PROS1: variants seen among roughly 807,000 people sequenced by gnomAD.
PROS1 encodes the protein protein S, also known as vitamin K-dependent protein S.
A neutral mutation model predicts 75.9 loss-of-function variants in PROS1; 29 were observed. That is an observed-to-expected ratio of 0.38 (90% CI 0.28 to 0.52). The LOEUF (loss-of-function observed/expected upper bound fraction) is 0.52, where lower values mean the gene tolerates loss of function less well. PROS1 is among the 20% of genes least tolerant of loss of function. PROS1 has a pLI of 0.83. For missense variants in PROS1, 680 were observed against 810.3 expected, an observed-to-expected ratio of 0.84 and a Z score of 1.95; for synonymous variants, 245 against 280.6, an observed-to-expected ratio of 0.87 and a Z score of 1.27.
intron 1 of PROS1, 54 bp downstream of exon 1, chr3:93,973,620 G>A (rs958229677): frequency 1.3e-6 from 2 of 1,569,194 alleles, no homozygotes; most frequent in East Asian, 2.3e-5. Context: ...ACCAGGGCAC[G>A]CAGTTCAGTC....
chr3:93,911,889 T>A (rs1708764131), intron 3 of PROS1, among the ~76,000 whole-genome samples: 1 of 152,136 alleles, frequency 6.6e-6, no homozygotes, highest in Non-Finnish European at 1.5e-5. Context: ...TTCTACCTCT[T>A]GATGAGGACA....
At chr3:93,890,109 T>C (rs1708410642) in intron 10 of PROS1, among the ~76,000 whole-genome samples, 1 of 152,160 alleles carries the variant, frequency 6.6e-6, no homozygotes, top group African/African-American at 2.4e-5. Flanking sequence ...TCTGGCAGTG[T>C]CTGTCTTATG....
At chr3:93,902,377 G>A (rs529005113) in intron 6 of PROS1, among the ~76,000 whole-genome samples, 15 of 152,228 alleles carry the variant, frequency 9.9e-5, no homozygotes, top group African/African-American at 3.6e-4. Flanking sequence ...ATATTGCAGG[G>A]AATTATTTAG....
intron 11 of PROS1, among the ~76,000 whole-genome samples, chr3:93,885,754 T>C (rs1262858568): frequency 6.6e-6 from 1 of 152,206 alleles, no homozygotes; most frequent in Non-Finnish European, 1.5e-5. Flanking sequence ...CATGTCAACA[T>C]GGGTTAATTA....
intron 3 of PROS1, among the ~76,000 whole-genome samples, chr3:93,912,234 A>T (rs1187859310): frequency 6.6e-6 from 1 of 152,048 alleles, no homozygotes; most frequent in African/African-American, 2.4e-5. Context: ...TATGTCTACC[A>T]GTTCTTGCTT....
chr3:93,927,943 A>G (rs1709049074), intron 1 of PROS1, among the ~76,000 whole-genome samples: 3 of 137,808 alleles, frequency 2.2e-5, no homozygotes, highest in South Asian at 2.3e-4. Flanking sequence ...ATATATGTAT[A>G]TATATATACT....
chr3:93,940,803 C>T (rs767017260), intron 1 of PROS1, among the ~76,000 whole-genome samples: 7 of 152,158 alleles, frequency 4.6e-5, no homozygotes, highest in Admixed American at 2.0e-4. Flanking sequence ...CACTCACCTG[C>T]TACAGCATGG....
intron 3 of PROS1, among the ~76,000 whole-genome samples, chr3:93,920,343 T>C (rs1346526574): frequency 6.6e-6 from 1 of 152,206 alleles, no homozygotes; most frequent in Non-Finnish European, 1.5e-5. Flanking sequence ...TTTTAATTCA[T>C]TTTCTAAGTC....
intron 1 of PROS1, among the ~76,000 whole-genome samples, chr3:93,956,214 T>C (rs1018037391): frequency 2.6e-5 from 4 of 152,196 alleles, no homozygotes; most frequent in African/African-American, 9.6e-5. Flanking sequence ...CTAATTTTTA[T>C]GGGAAACTTT....
At chr3:93,898,661 T>TAC in intron 7 of PROS1, 92 bp from the exon 8 acceptor site, 2 of 1,384,324 alleles carry the variant, frequency 1.4e-6, no homozygotes, top group Non-Finnish European at 2.0e-6. Context: ...TAGTATGATA[T>TAC]AATCAATGAT....
intron 7 of PROS1, 59 bp from the exon 8 acceptor site, chr3:93,898,628 T>C: frequency 1.9e-6 from 3 of 1,580,188 alleles, no homozygotes; most frequent in Non-Finnish European, 1.7e-6. Context: ...TTCAATCTTA[T>C]AGGCAGAGGA....
chr3:93,948,194 T>A (rs1415816741), intron 1 of PROS1, among the ~76,000 whole-genome samples: 1 of 150,980 alleles, frequency 6.6e-6, no homozygotes, highest in African/African-American at 2.4e-5. Context: ...CAAAAGAAAA[T>A]AGAGGTAATT....
At chr3:93,936,473 C>T (rs1461405789) in intron 1 of PROS1, among the ~76,000 whole-genome samples, 2 of 151,970 alleles carry the variant, frequency 1.3e-5, no homozygotes, top group African/African-American at 2.4e-5. Context: ...GGATTAGTGT[C>T]CTTATAAGAA....
At chr3:93,921,891 A>C (rs1708947331) in intron 3 of PROS1, among the ~76,000 whole-genome samples, 1 of 151,840 alleles carries the variant, frequency 6.6e-6, no homozygotes, top group Admixed American at 6.6e-5. Context: ...ACTTATTTCT[A>C]TCTCTGTTTT....
chr3:93,939,108 T>C (rs1178226344), intron 1 of PROS1, among the ~76,000 whole-genome samples: 1 of 152,164 alleles, frequency 6.6e-6, no homozygotes, highest in Non-Finnish European at 1.5e-5. Flanking sequence ...CCTAAACACC[T>C]TGTTTTCTTC....
intron 3 of PROS1, among the ~76,000 whole-genome samples, chr3:93,913,556 G>A (rs770090699): frequency 4.6e-5 from 7 of 152,160 alleles, no homozygotes; most frequent in Non-Finnish European, 1.0e-4. Context: ...TCTCAGGTAT[G>A]TCTTTATTAG....
intron 10 of PROS1, among the ~76,000 whole-genome samples, chr3:93,892,077 C>A (rs1286578284): frequency 1.3e-5 from 2 of 152,114 alleles, no homozygotes; most frequent in Admixed American, 6.5e-5. Context: ...CTCTTGTAAT[C>A]CCAGCACTTT....
At chr3:93,896,988 T>A (rs1291823249) in intron 8 of PROS1, among the ~76,000 whole-genome samples, 6 of 152,176 alleles carry the variant, frequency 3.9e-5, no homozygotes, top group Admixed American at 3.9e-4. Context: ...ACACAAACTC[T>A]TTCTTCAAGA....
chr3:93,943,687 A>G (rs1709330513), intron 1 of PROS1, among the ~76,000 whole-genome samples: 1 of 152,212 alleles, frequency 6.6e-6, no homozygotes, highest in East Asian at 1.9e-4. Context: ...CAGGAATGTC[A>G]GGCCTCTGAG....
Sources: gnomAD v4.1 joint callset for allele counts (sites outside exome capture counted in the v4.1 genomes callset) on GRCh38, gnomAD v4.1.1 for gene constraint, MANE v1.5 for transcripts, NCBI Gene and HGNC (gene_info 2026-07-23, HGNC 2026-07-21) for gene names.